The following FBXL18 variants were observed in gnomAD, a reference collection of about 807,000 sequenced individuals.
FBXL18 encodes the protein F-box/LRR-repeat protein 18.
A neutral mutation model predicts 46.0 loss-of-function variants in FBXL18; 36 were observed. The ratio of observed to expected loss-of-function variants is 0.78; its 90% CI spans 0.60 to 1.03. FBXL18 has a LOEUF of 1.03. Ranked by LOEUF, FBXL18 falls within the 50% of genes least tolerant of loss-of-function variation. FBXL18 has a pLI of 0.00. For missense variants in FBXL18, 977 were observed against 1,004.1 expected (o/e 0.97, Z 0.36); for synonymous variants, 557 against 465.3 (o/e 1.20, Z -2.54).
intron 2 of FBXL18, among the ~76,000 whole-genome samples, chr7:5,504,005 C>T (rs1431852209): frequency 6.6e-6 from 1 of 151,260 alleles, no homozygotes; most frequent in African/African-American, 2.4e-5. Context: ...CACCGAGAGG[C>T]ACTGGCTAGA....
rs1439359042 is a variant in FBXL18 at position 5,481,357 on chromosome 7, ACGGGG to A, written c.*413_*417del. 6.0e-3 allele frequency: 1,035 copies of A among 171,992 alleles called. 13 individuals carry two copies. The highest frequency in any genetic ancestry group is 0.023 in the African/African-American group (972 of 41,698). The allele number at this position is 171,992 out of a possible 1,614,324, so 10.7% of individuals were successfully genotyped here. On this transcript the variant is annotated 3_prime_UTR_variant, in exon 5 of 5. Transcript: ENST00000382368. Reference sequence around the variant, plus strand: ...GGGGACAGCATGTGGCCGCCCATCCACGGGGCCCCGGTGGCAGGTGACCACAAACA... The same window carrying A: ...GGGGACAGCATGTGGCCGCCCATCCACCCCGGTGGCAGGTGACCACAAACA...
At chr7:5,469,659 G>A (rs1352697472) in intron 4 of FBXL18, among the ~76,000 whole-genome samples, 6 of 151,964 alleles carry the variant, frequency 3.9e-5, no homozygotes, top group Non-Finnish European at 7.4e-5. Context: ...AGGAAGCTCC[G>A]TGTGTGGATG....
chr7:5,511,612 A>G (rs1784534663), intron 1 of FBXL18, among the ~76,000 whole-genome samples: 1 of 151,600 alleles, frequency 6.6e-6, no homozygotes, highest in Non-Finnish European at 1.5e-5. Flanking sequence ...TCTCAAAAAA[A>G]AAAAAATCAG....
downstream of FBXL18, among the ~76,000 whole-genome samples, chr7:5,474,568 G>C (rs1361615905): frequency 1.3e-5 from 2 of 151,982 alleles, no homozygotes; most frequent in Admixed American, 6.6e-5. Flanking sequence ...TTTCTGCCTC[G>C]ATCTCCCAAA....
intron 4 of FBXL18, among the ~76,000 whole-genome samples, chr7:5,454,860 C>A (rs945494565): frequency 2.0e-5 from 3 of 152,238 alleles, no homozygotes; most frequent in Non-Finnish European, 4.4e-5. Flanking sequence ...CGCAGATGGC[C>A]ACCCGAGCTG....
At chr7:5,493,660 T>A (rs911032000) in intron 3 of FBXL18, among the ~76,000 whole-genome samples, 1 of 122,632 alleles carries the variant, frequency 8.2e-6, no homozygotes, top group Admixed American at 8.7e-5. Flanking sequence ...TACTTTTGTG[T>A]GTGTGTGCGT....
At position 5,480,546 on chromosome 7, in the gene FBXL18, A is replaced by ATTTT. The variant is rs1307618268; in HGVS notation, c.*1228_*1229insAAAA. ...GTGTTGAATATATATATATATATAT[A>ATTTT]TATTTTTTTTTTTTTTTTTTTTTTT... On this transcript the variant is annotated 3_prime_UTR_variant, in exon 5 of 5. Transcript: ENST00000382368. The ATTTT allele has an allele frequency of 1.8e-5, 1 of 55,414 alleles. No homozygotes were observed. Among genetic ancestry groups the ATTTT allele is most frequent in the Non-Finnish European group, 3.3e-5 (1 of 30,436 alleles). 3.4% of individuals were successfully genotyped at this position (55,414 alleles called of 1,614,324 possible). A position where few individuals can be genotyped will look rare whatever the true frequency, so the allele number is the denominator to read the frequency against.
chr7:5,470,530 A>G (rs1388185248), intron 4 of FBXL18, among the ~76,000 whole-genome samples: 1 of 152,158 alleles, frequency 6.6e-6, no homozygotes. Context: ...AACCGCAGGA[A>G]GGGCCTGGCC....
In FBXL18 at chr7:5,490,335, C is replaced by T. The variant is rs117059439; in HGVS notation, c.2000+896G>A. ...CGTCCTCCTGAGAGGTCTTGAAATG[C>T]GTCACTCCCCACATCGCCTACCAAG... is the stretch of plus-strand genomic sequence containing the variant. On this transcript the variant is annotated intron_variant, in intron 4 of 4. Transcript: ENST00000382368. 4.7e-6 allele frequency: 5 copies of T among 1,060,092 alleles called. No individual in the cohort carries two copies. In the African/African-American group the frequency reaches 5.0e-5, roughly 11 times the overall value. 65.7% of individuals were successfully genotyped at this position (1,060,092 alleles called of 1,614,324 possible).
rs57046882 is a variant in FBXL18, at chr7:5,494,877, AAAACCTTTTTTCCACGAG to A, written c.1782-3446_1782-3429del. On this transcript the variant is annotated intron_variant, in intron 3 of 4. Coordinates refer to ENST00000382368, the MANE Select transcript of FBXL18 (RefSeq NM_024963.6). ...AACCAAGTCTGCAGAGCGTGGAAAA[AAAACCTTTTTTCCACGAG>A]ATAACCACATCCACATTCTTCCGCC... Among the ~76,000 whole-genome samples the A allele has an allele frequency of 9.1e-3, 1,392 of 152,310 alleles. 35 individuals are homozygous for A. The highest frequency in any genetic ancestry group is 0.032 in the African/African-American group (1,338 of 41,560).
rs535814215 is a variant in FBXL18, at chr7:5,459,870, G to A, written c.2001-12027C>T. On this transcript the variant is annotated intron_variant and NMD_transcript_variant, in intron 4 of 6. Transcript: ENST00000415009. ...AGAGGCTGCCGTGAGCTGAGATCAC[G>A]CTGTCGTACTCCAGCCTGGGCAGCA... Among the ~76,000 whole-genome samples, 36 of 152,054 alleles carry A rather than the reference G, an allele frequency of 2.4e-4. 1 individual carries two copies. In the South Asian group the frequency reaches 6.2e-3, roughly 26 times the overall value.
At chr7:5,463,706 T>TATATATATATATATATATATATATA (rs374634728) in intron 4 of FBXL18, among the ~76,000 whole-genome samples, 2 of 59,466 alleles carry the variant, frequency 3.4e-5, no homozygotes, top group Admixed American at 2.1e-4. Flanking sequence ...ATATATATAT[T>TATATATATATATATATATATATATA]TATTTATTTA....
rs1180980635 is a variant in FBXL18 at position 5,480,548 on chromosome 7, A to ATTTTTTTTTTTTTTTTTTTTT, written c.*1206_*1226dup. On this transcript the variant is annotated 3_prime_UTR_variant, in exon 5 of 5. Transcript: ENST00000382368. ...GTTGAATATATATATATATATATAT[A>ATTTTTTTTTTTTTTTTTTTTT]TTTTTTTTTTTTTTTTTTTTTTTTT... The ATTTTTTTTTTTTTTTTTTTTT allele has an allele frequency of 2.5e-5, 1 of 40,344 alleles. No individual in the cohort carries two copies. Among genetic ancestry groups the ATTTTTTTTTTTTTTTTTTTTT allele is most frequent in the Non-Finnish European group, 4.7e-5 (1 of 21,132 alleles). The allele number at this position is 40,344 out of a possible 1,614,324, so 2.5% of individuals were successfully genotyped here. A position where few individuals can be genotyped will look rare whatever the true frequency, so the allele number is the denominator to read the frequency against.
intron 4 of FBXL18, among the ~76,000 whole-genome samples, chr7:5,466,589 A>C (rs1783344048): frequency 6.6e-6 from 1 of 152,146 alleles, no homozygotes; most frequent in African/African-American, 2.4e-5. Flanking sequence ...ATAATCCCAG[A>C]GCCTCTCCAC....
At chr7:5,454,971 AC>A (rs1427261204) in intron 4 of FBXL18, among the ~76,000 whole-genome samples, 1 of 152,102 alleles carries the variant, frequency 6.6e-6, no homozygotes, top group African/African-American at 2.4e-5. Flanking sequence ...TGCCGCCCTC[AC>A]CCCTACAGTT....
intron 4 of FBXL18, among the ~76,000 whole-genome samples, chr7:5,484,618 C>T (rs1386008608): frequency 1.3e-5 from 2 of 150,572 alleles, no homozygotes; most frequent in Non-Finnish European, 3.0e-5. Flanking sequence ...CACAGGCACA[C>T]ATCACCACAC....
At chr7:5,473,751 A>C (rs1173588458), downstream of FBXL18, among the ~76,000 whole-genome samples, 3 of 127,004 alleles carry the variant, frequency 2.4e-5, no homozygotes, top group Admixed American at 8.9e-5. Context: ...ACAGAATGGG[A>C]CTCCATCTCA....
At position 5,478,049 on chromosome 7, in the gene FBXL18, G is replaced by C. The variant is rs558812383; in HGVS notation, c.*3726C>G. 6.6e-6 allele frequency: 1 copy of C among 152,358 alleles called. No homozygotes were observed. The allele number at this position is 152,358 out of a possible 1,614,324, so 9.4% of individuals were successfully genotyped here. On this transcript the variant is annotated 3_prime_UTR_variant, in exon 5 of 5. Transcript: ENST00000382368. Reference sequence around the variant, plus strand: ...GGGTCCGGACCCAGGGTGTGGTTGAGGGAGGGCGCTGCTGAGCTGGCAGGC... The same window carrying C: ...GGGTCCGGACCCAGGGTGTGGTTGACGGAGGGCGCTGCTGAGCTGGCAGGC...
chr7:5,470,713 CCCCTTCCCGG>C lies in FBXL18; in HGVS notation c.2000+20508_2000+20517del, dbSNP rs1783415085. On this transcript the variant is annotated intron_variant and NMD_transcript_variant, in intron 4 of 6. Coordinates refer to the FBXL18 transcript ENST00000415009. ...CCTCCCCTTCCCGGGGGGGAGATGT[CCCCTTCCCGG>C]GGGGGAGATGTCCACTTCCTGAGCT... 3.4e-4 allele frequency among the ~76,000 whole-genome samples: 7 copies of C among 20,562 alleles called. No individual in the cohort carries two copies. The South Asian group carries it at 9.0e-3, about 26-fold the overall frequency. 13.5% of individuals were successfully genotyped at this position (20,562 alleles called of 152,430 possible). A position where few individuals can be genotyped will look rare whatever the true frequency, so the allele number is the denominator to read the frequency against.
Sources: allele counts gnomAD v4.1 joint callset (sites outside exome capture counted in the v4.1 genomes callset), GRCh38; gene constraint gnomAD v4.1.1; transcripts MANE v1.5; gene names NCBI Gene and HGNC (gene_info 2026-07-23, HGNC 2026-07-21).